GPR173: variants seen among roughly 807,000 people sequenced by gnomAD.
GPR173 encodes G protein-coupled receptor 173, also known as probable G protein-coupled receptor 173.
Under a neutral mutation model 13.9 loss-of-function variants are expected in GPR173, and 2 were observed. The ratio of observed to expected loss-of-function variants is 0.14; its 90% CI spans 0.06 to 0.45. The LOEUF (loss-of-function observed/expected upper bound fraction) is 0.45, where lower values mean the gene tolerates loss of function less well. Among genes scored for constraint, GPR173 ranks in the 20% least tolerant of loss-of-function variants. The probability of loss-of-function intolerance (pLI) is 0.98; values close to 1 mark genes in which losing one functional copy is unlikely to be tolerated. For missense variants in GPR173, 202 were observed against 340.5 expected (o/e 0.59, Z 3.20); for synonymous variants, 131 against 141.0 (o/e 0.93, Z 0.50).
In GPR173 at chrX:53,077,045, G is replaced by A. The variant is rs945694480; in HGVS notation, c.424G>A (p.Ala142Thr). The A allele has an allele frequency of 8.3e-7, 1 of 1,208,500 alleles. No individual in the cohort carries two copies. The highest frequency in any genetic ancestry group is 1.8e-5 in the South Asian group (1 of 56,989). The change falls in exon 2 of 2, where the codon GCT becomes ACT. Residue 142 changes from alanine (A) to threonine (T), a missense_variant. By Grantham distance (58) the Ala-to-Thr change is moderately conservative. Around this residue, in one of 3 missense-constraint regions of GPR173, gnomAD observed 98 missense variants for 137.2 expected, o/e 0.71. Coordinates refer to ENST00000332582, the MANE Select transcript of GPR173 (RefSeq NM_018969.6). ...GCGCATGACACTCTGGACATGCGCG[G>A]CTGTCATCTGCATGGCCTGGACCCT... ...AKRMTLWTCA[A>T]VICMAWTLSV...
intron 1 of GPR173, among the ~76,000 whole-genome samples, chrX:53,073,597 T>C (rs1320169835): frequency 9.3e-6 from 1 of 107,165 alleles, no homozygotes; most frequent in Non-Finnish European, 1.9e-5. Context: ...CCCCAGCCCA[T>C]TTAATCCCTC....
intron 1 of GPR173, among the ~76,000 whole-genome samples, chrX:53,060,603 A>G (rs1310933245): frequency 9.3e-6 from 1 of 107,740 alleles, no homozygotes; most frequent in Non-Finnish European, 1.9e-5. Context: ...AAAAGACAAC[A>G]GAAACCACAG....
intron 1 of GPR173, among the ~76,000 whole-genome samples, chrX:53,075,519 G>A (rs782677451): frequency 9.4e-6 from 1 of 106,686 alleles, no homozygotes; most frequent in African/African-American, 3.4e-5. Flanking sequence ...ACCTAGAACA[G>A]TGCCTGGCAC....
intron 1 of GPR173, among the ~76,000 whole-genome samples, chrX:53,060,842 T>TGTATTTCTATAGAAAGGCAGTTAC (rs1932114164): frequency 2.8e-5 from 3 of 108,828 alleles, no homozygotes; most frequent in African/African-American, 6.6e-5. Context: ...AAGGCAGTTA[T>TGTATTTCTATAGAAAGGCAGTTAC]ACAGGCCTGT....
In GPR173 at chrX:53,079,589, C is replaced by CTA. The variant is rs781834855; in HGVS notation, c.*1847_*1848insAT. The CTA allele has an allele frequency of 8.6e-6, 1 of 116,278 alleles. No homozygotes were observed. Among genetic ancestry groups the CTA allele is most frequent in the Non-Finnish European group, 1.9e-5 (1 of 52,096 alleles). The allele number at this position is 116,278 out of a possible 1,213,427, so 9.6% of individuals were successfully genotyped here. ...TATACTGGATGTTTTCTCTTTCTGA[C>CTA]TGTGTGTGTGTGTGTGCGTGCGTGC... On this transcript the variant is annotated 3_prime_UTR_variant, in exon 2 of 2. Coordinates refer to ENST00000332582, the MANE Select transcript of GPR173 (RefSeq NM_018969.6).
At chrX:53,051,587 G>A (rs781821759) in intron 1 of GPR173, among the ~76,000 whole-genome samples, 1 of 110,809 alleles carries the variant, frequency 9.0e-6, no homozygotes, top group African/African-American at 3.3e-5. Flanking sequence ...TGTGTACTGT[G>A]GGGTGGGCAT....
chrX:53,074,385 A>T (rs868945068), intron 1 of GPR173, among the ~76,000 whole-genome samples: 2 of 34,144 alleles, frequency 5.9e-5, no homozygotes, highest in Non-Finnish European at 4.2e-5. Flanking sequence ...TAAATATATA[A>T]ATATATATAA....
chrX:53,052,246 G>T (rs1386752115), intron 1 of GPR173, among the ~76,000 whole-genome samples: 1 of 111,136 alleles, frequency 9.0e-6, no homozygotes, highest in Non-Finnish European at 1.9e-5. Flanking sequence ...GTGTGTGGGG[G>T]TGTATGCCTG....
chrX:53,070,969 C>CTT lies in GPR173; in HGVS notation c.-97-5541_-97-5540dup, dbSNP rs1210687869. 616 of 95,130 alleles carry CTT rather than the reference C, an allele frequency of 6.5e-3. 4 individuals carry two copies. The highest frequency in any genetic ancestry group is 1.0e-2 in the Non-Finnish European group (481 of 48,323). The allele number at this position is 95,130 out of a possible 1,213,427, so 7.8% of individuals were successfully genotyped here. ...GGAAGTGATTAGAGGCTCCCAATGT[C>CTT]TTTTTTTTTTTTTTTTAGATGGAGT... is the stretch of plus-strand genomic sequence containing the variant. On this transcript the variant is annotated intron_variant, in intron 1 of 1. Transcript: ENST00000332582.
rs1556806311 is a variant in GPR173 at position 53,079,360 on chromosome X, AGAGTGGCT to A, written c.*1621_*1628del. On this transcript the variant is annotated 3_prime_UTR_variant, in exon 2 of 2. Coordinates refer to ENST00000332582, the MANE Select transcript of GPR173 (RefSeq NM_018969.6). ...CAGAGTGGCCCTGGAAAGGCAGGCC[AGAGTGGCT>A]GAGAGGCTGGGAGTAGGGGAGCCTG... is the stretch of plus-strand genomic sequence containing the variant. 1 of 109,663 alleles carries A rather than the reference AGAGTGGCT, an allele frequency of 9.1e-6. No homozygotes were observed. The highest frequency in any genetic ancestry group is 3.8e-5 in the African/African-American group (1 of 26,652). The allele number at this position is 109,663 out of a possible 1,213,427, so 9.0% of individuals were successfully genotyped here.
intron 1 of GPR173, among the ~76,000 whole-genome samples, chrX:53,059,974 CGA>C (rs1358348923): frequency 1.0e-5 from 1 of 100,327 alleles, no homozygotes; most frequent in Non-Finnish European, 2.0e-5. Flanking sequence ...GGCGACAGAG[CGA>C]GACCCTGTCT....
At chrX:53,072,906 G>T (rs1244064062) in intron 1 of GPR173, among the ~76,000 whole-genome samples, 2 of 111,020 alleles carry the variant, frequency 1.8e-5, no homozygotes, top group African/African-American at 6.6e-5. Flanking sequence ...TCCTGTCATG[G>T]GCTCTGAGAT....
At position 53,077,683 on chromosome X, in the gene GPR173, C is replaced by T. The variant is rs11091720; in HGVS notation, c.1062C>T (p.His354=). The T allele has an allele frequency of 0.22, 263,349 of 1,205,013 alleles. 21,788 individuals carry two copies. Among genetic ancestry groups the T allele is most frequent in the African/African-American group, 0.51 (28,821 of 56,791 alleles). The change falls in exon 2 of 2, where the codon CAC becomes CAT. Residue 354 remains histidine, a synonymous_variant. Transcript: ENST00000332582. ...NKDLKKCLRT[H]APCWGTGGAP... ...ACCTCAAGAAGTGCCTGAGGACTCA[C>T]GCCCCCTGCTGGGGCACAGGAGGTG...
At chrX:53,064,814 A>C (rs1556804093) in intron 1 of GPR173, among the ~76,000 whole-genome samples, 1 of 111,455 alleles carries the variant, frequency 9.0e-6, no homozygotes, top group African/African-American at 3.3e-5. Flanking sequence ...GCATTAATCC[A>C]TTTATGAGGG....
intron 1 of GPR173, among the ~76,000 whole-genome samples, chrX:53,050,879 C>A (rs1556802597): frequency 2.7e-5 from 3 of 111,611 alleles, no homozygotes; most frequent in Admixed American, 9.5e-5. Context: ...TCCCCCACCC[C>A]ACTCCAGTCT....
rs374198619 is a variant in GPR173, at chrX:53,077,611, C to T, written c.990C>T (p.Phe330=). ...TGGCCACTGCTGTTTGGATGAGCTT[C>T]GCCCAGGCTGCCGTCAACCCAATTG... ...RYLATAVWMS[F]AQAAVNPIVC... Residue 330 remains phenylalanine, a synonymous_variant, in exon 2 of 2, where the codon TTC becomes TTT. Transcript: ENST00000332582. The T allele has an allele frequency of 6.2e-5, 75 of 1,210,376 alleles. No homozygotes were observed. Among genetic ancestry groups the T allele is most frequent in the South Asian group, 7.0e-5 (4 of 56,945 alleles).
chrX:53,051,601 T>A (rs1260778170), intron 1 of GPR173, among the ~76,000 whole-genome samples: 3 of 110,739 alleles, frequency 2.7e-5, no homozygotes, highest in Non-Finnish European at 3.8e-5. Context: ...TGGGCATGAC[T>A]TTGCATGTCT....
chrX:53,064,239 C>CGAATAG (rs1932161920), intron 1 of GPR173, among the ~76,000 whole-genome samples: 1 of 111,867 alleles, frequency 8.9e-6, no homozygotes, highest in Non-Finnish European at 1.9e-5. Context: ...TTTCGCGCTA[C>CGAATAG]TATAACAATA....
intron 1 of GPR173, among the ~76,000 whole-genome samples, chrX:53,057,424 AAAAAAAAAGAAAG>A (rs1213249696): frequency 5.3e-5 from 5 of 94,199 alleles, no homozygotes; most frequent in African/African-American, 1.6e-4. Flanking sequence ...TCTCAAAAAA[AAAAAAAAAGAAAG>A]AAAGAAAAAG....
Sources: gnomAD v4.1 joint callset for allele counts (sites outside exome capture counted in the v4.1 genomes callset) on GRCh38, gnomAD v4.1.1 for gene constraint, gnomAD v4.1.1 regional missense constraint, MANE v1.5 for transcripts, NCBI Gene and HGNC (gene_info 2026-07-23, HGNC 2026-07-21) for gene names.